Variants in MND1 observed in about 807,000 individuals in gnomAD.
MND1 encodes the protein meiotic nuclear division protein 1 homolog.
In MND1, 28 loss-of-function variants were observed where a neutral mutation model predicts 35.1. The ratio of observed to expected loss-of-function variants is 0.80; its 90% CI spans 0.59 to 1.09. The LOEUF is 1.09. Ranked by LOEUF, MND1 falls within the 50% of genes least tolerant of loss-of-function variation. The pLI, the probability that MND1 is intolerant of heterozygous loss-of-function variation, is 0.00. For missense variants in MND1, 213 were observed against 239.6 expected (o/e 0.89, Z 0.73); for synonymous variants, 69 against 70.5 (o/e 0.98, Z 0.11).
At chr4:153,381,684 ATATATATATTTTTTTTT>A (rs1728699488) in intron 4 of MND1, 1 of 18,740 alleles carries the variant, frequency 5.3e-5, no homozygotes, top group African/African-American at 2.1e-4. Context: ...ATATATATAT[ATATATATATTTTTTTTT>A]TTTTTTTTTT....
At position 153,381,703 on chromosome 4, in the gene MND1, T is replaced by A. The variant is rs1407441851; in HGVS notation, c.277-12559T>A. On this transcript the variant is annotated intron_variant, in intron 4 of 7. Coordinates refer to ENST00000240488, the MANE Select transcript of MND1 (RefSeq NM_032117.4). ...ATATATATATATATATTTTTTTTTT[T>A]TTTTTTTTTTTTTTTTTTTTAAGAG... 230 of 58,012 alleles carry A rather than the reference T, an allele frequency of 4.0e-3. 6 individuals are homozygous for A. The highest frequency in any genetic ancestry group is 0.02 in the African/African-American group (194 of 9,808). 3.6% of individuals were successfully genotyped at this position (58,012 alleles called of 1,614,324 possible).
chr4:153,387,916 C>T (rs1283756911), intron 4 of MND1, among the ~76,000 whole-genome samples: 1 of 150,926 alleles, frequency 6.6e-6, no homozygotes, highest in African/African-American at 2.4e-5. Context: ...TTATCTCTTT[C>T]TCATTCTCTG....
intron 2 of MND1, among the ~76,000 whole-genome samples, chr4:153,350,983 C>T (rs1027046011): frequency 2.7e-5 from 4 of 146,252 alleles, no homozygotes; most frequent in Admixed American, 6.8e-5. Flanking sequence ...ACAAAATACA[C>T]GGGATTTGCC....
At chr4:153,393,318 G>A (rs1451163626) in intron 4 of MND1, among the ~76,000 whole-genome samples, 1 of 151,162 alleles carries the variant, frequency 6.6e-6, no homozygotes, top group Non-Finnish European at 1.5e-5. Flanking sequence ...AAAATTTGCA[G>A]AGAGAATTTA....
intron 4 of MND1, among the ~76,000 whole-genome samples, chr4:153,376,248 C>T (rs757685629): frequency 1.1e-4 from 16 of 151,984 alleles, no homozygotes; most frequent in Admixed American, 6.6e-5. Context: ...CATTTTCCCC[C>T]GTGTGGTAAT....
intron 6 of MND1, among the ~76,000 whole-genome samples, chr4:153,402,127 C>A (rs1729361225): frequency 6.6e-6 from 1 of 152,154 alleles, no homozygotes; most frequent in Non-Finnish European, 1.5e-5. Context: ...GCACTCCATC[C>A]TGGGTGACAG....
intron 4 of MND1, among the ~76,000 whole-genome samples, chr4:153,376,129 C>G (rs1173519290): frequency 4.6e-5 from 7 of 152,138 alleles, no homozygotes; most frequent in Admixed American, 4.6e-4. Flanking sequence ...AAACTTCCAA[C>G]TGAAATGACA....
intron 2 of MND1, among the ~76,000 whole-genome samples, chr4:153,354,763 G>A (rs1773299513): frequency 3.3e-5 from 5 of 152,170 alleles, no homozygotes; most frequent in Admixed American, 3.3e-4. Context: ...TCCTCCCAAA[G>A]TGGTGGGATT....
rs558905999 is a variant in MND1, at chr4:153,414,762, G to T, written c.523G>T (p.Ala175Ser). 1.9e-5 allele frequency: 28 copies of T among 1,449,206 alleles called. No homozygotes were observed. Among genetic ancestry groups the T allele is most frequent in the Admixed American group, 4.2e-5 (2 of 47,948 alleles). The allele number at this position is 1,449,206 out of a possible 1,614,324, so 89.8% of individuals were successfully genotyped here. Residue 175 changes from alanine to serine, a missense_variant, in exon 8 of 8, where the codon GCA (alanine) becomes TCA (serine). Transcript: ENST00000240488. ...AATTTTCTTTATAGATAACATATTC[G>T]CAATAAAATCTTGGGCCAAAAGAAA... ...AANRWTDNIFAIKSWAKRKFG... is the reference protein window; with the variant it reads ...AANRWTDNIFSIKSWAKRKFG...
intron 4 of MND1, among the ~76,000 whole-genome samples, chr4:153,370,503 C>T (rs1012606559): frequency 6.6e-6 from 1 of 151,906 alleles, no homozygotes; most frequent in Non-Finnish European, 1.5e-5. Context: ...ACCTCCTCCC[C>T]TTAATCACAA....
rs201471056 is a variant in MND1 at position 153,409,027 on chromosome 4, A to G, written c.511+12A>G. 2.6e-4 allele frequency: 351 copies of G among 1,367,570 alleles called. 4 individuals are homozygous for G. The East Asian group carries it at 9.4e-3, about 36-fold the overall frequency. The allele number at this position is 1,367,570 out of a possible 1,614,324, so 84.7% of individuals were successfully genotyped here. On this transcript the variant is annotated intron_variant, in intron 7 of 7. Transcript: ENST00000240488. Reference sequence around the variant, plus strand: ...TAACAGATGGACTGGTATGTACTATAATAATGCTGATAAACTATAGCTAAA... The same window carrying G: ...TAACAGATGGACTGGTATGTACTATGATAATGCTGATAAACTATAGCTAAA...
At chr4:153,398,543 A>G (rs1435718638) in intron 6 of MND1, among the ~76,000 whole-genome samples, 1 of 152,232 alleles carries the variant, frequency 6.6e-6, no homozygotes, top group African/African-American at 2.4e-5. Context: ...AGGAGGCACC[A>G]TTCACATATA....
At chr4:153,384,485 G>A (rs1157237418) in intron 4 of MND1, among the ~76,000 whole-genome samples, 1 of 126,388 alleles carries the variant, frequency 7.9e-6, no homozygotes, top group South Asian at 2.5e-4. Flanking sequence ...CAGAGATAGG[G>A]TCTTGCTCTC....
chr4:153,368,125 A>G (rs1253750755), intron 4 of MND1, among the ~76,000 whole-genome samples: 1 of 152,192 alleles, frequency 6.6e-6, no homozygotes, highest in Non-Finnish European at 1.5e-5. Context: ...GAAACTTTAT[A>G]CAAGGTAATT....
At position 153,349,193 on chromosome 4, in the gene MND1, A is replaced by G. The variant is rs183912378; in HGVS notation, c.4-871A>G. On this transcript the variant is annotated intron_variant, in intron 1 of 7. Transcript: ENST00000240488. ...GCTTTATATATTCTATGTACAATAT[A>G]TTGTAAAATTTATTATTAACATATA... Among the ~76,000 whole-genome samples the G allele has an allele frequency of 1.1e-4, 16 of 150,710 alleles. No homozygotes were observed. The East Asian group carries it at 2.7e-3, about 26-fold the overall frequency.
At chr4:153,354,279 A>G (rs139294559) in intron 2 of MND1, among the ~76,000 whole-genome samples, 476 of 152,270 alleles carry the variant, frequency 3.1e-3, no homozygotes, top group Non-Finnish European at 5.5e-3. Context: ...TAATTTCCCT[A>G]TTGTTTAGGT....
At chr4:153,363,965 G>A (rs1396190583) in intron 4 of MND1, among the ~76,000 whole-genome samples, 1 of 152,190 alleles carries the variant, frequency 6.6e-6, no homozygotes, top group Non-Finnish European at 1.5e-5. Context: ...CAGGTGTGGT[G>A]GCTTATGCCT....
At chr4:153,388,654 C>T (rs28371456) in intron 4 of MND1, among the ~76,000 whole-genome samples, 42,013 of 151,876 alleles carry the variant, frequency 0.28, 6,584 homozygotes, top group African/African-American at 0.43. Flanking sequence ...AAGATTTTTC[C>T]CAGCCACTTT....
intron 2 of MND1, among the ~76,000 whole-genome samples, chr4:153,351,145 T>C (rs779493638): frequency 2.0e-5 from 3 of 152,188 alleles, no homozygotes; most frequent in Non-Finnish European, 4.4e-5. Flanking sequence ...ATTTTTCCTA[T>C]GGTCTCAGCA....
Sources: gnomAD v4.1 joint callset for allele counts (sites outside exome capture counted in the v4.1 genomes callset) on GRCh38, gnomAD v4.1.1 for gene constraint, MANE v1.5 for transcripts, NCBI Gene and HGNC (gene_info 2026-07-23, HGNC 2026-07-21) for gene names.